Variants in TSC22D4 observed in about 807,000 individuals in gnomAD.
The protein encoded by TSC22D4 is TSC22 domain family protein 4.
Under a neutral mutation model 24.9 loss-of-function variants are expected in TSC22D4, and 5 were observed. That is an observed-to-expected ratio of 0.20 (90% CI 0.10 to 0.42). The LOEUF (loss-of-function observed/expected upper bound fraction) is 0.42. Among genes scored for constraint, TSC22D4 ranks in the 10% least tolerant of loss-of-function variants. TSC22D4 has a pLI of 1.00. For missense variants in TSC22D4, 469 were observed against 547.9 expected (o/e 0.86, Z 1.44); for synonymous variants, 245 against 243.2 (o/e 1.01, Z -0.07).
At position 100,474,264 on chromosome 7, in the gene TSC22D4, G is replaced by T; in HGVS notation, c.929+10C>A. 1 of 1,612,430 alleles carries T rather than the reference G, an allele frequency of 6.2e-7. No individual in the cohort carries two copies. ...ACCCCACGCCCCACCACCCCACGAAGCCCACCTACCTATCATCGTCGCTGT... is the reference window on the plus strand; with the variant it reads ...ACCCCACGCCCCACCACCCCACGAATCCCACCTACCTATCATCGTCGCTGT... On this transcript the variant is annotated intron_variant, in intron 3 of 4. Coordinates refer to ENST00000300181, the MANE Select transcript of TSC22D4 (RefSeq NM_030935.5). This position sits in a 1 kb window ranked among gnomAD's most constrained non-coding sequence, Gnocchi z 4.3.
chr7:100,466,657 T>A lies in TSC22D4; in HGVS notation c.*302A>T. The A allele has an allele frequency of 2.4e-6, 1 of 411,280 alleles. No homozygotes were observed. The highest frequency in any genetic ancestry group is 4.4e-6 in the Non-Finnish European group (1 of 229,606). 25.5% of individuals were successfully genotyped at this position (411,280 alleles called of 1,614,324 possible). On this transcript the variant is annotated 3_prime_UTR_variant, in exon 5 of 5. Transcript: ENST00000300181. ...TCAAGGGAACAAGATGGGGGTGGGG[T>A]GTCTGCCGGGGAGCCTCCGACTCCC...
At chr7:100,467,789 G>C in intron 3 of TSC22D4, 189 bp from the exon 4 acceptor site, 1 of 709,088 alleles carries the variant, frequency 1.4e-6, no homozygotes, top group Non-Finnish European at 2.6e-6. Flanking sequence ...CGGTGGGGCG[G>C]GGGCCCAGAT....
At position 100,474,230 on chromosome 7, in the gene TSC22D4, G is replaced by A; in HGVS notation, c.929+44C>T. 2 of 1,602,238 alleles carry A rather than the reference G, an allele frequency of 1.2e-6. No individual in the cohort carries two copies. Among genetic ancestry groups the A allele is most frequent in the South Asian group, 1.1e-5 (1 of 90,744 alleles). On this transcript the variant is annotated intron_variant, in intron 3 of 4. Transcript: ENST00000300181. The surrounding 1 kb of genome is among the most constrained non-coding windows in gnomAD (Gnocchi z 4.3). ...TACAGCTACCCCGGGTGCTGGGCGG[G>A]GAACCTGAACCCCACGCCCCACCAC... is the stretch of plus-strand genomic sequence containing the variant.
chr7:100,474,509 G>A lies in TSC22D4; in HGVS notation c.763-69C>T, dbSNP rs1799456544. ...AAAGGAACCAGCTGCCTTAAAACTT[G>A]CCTATTAGCCTTCCTCCCTCTCCAC... On this transcript the variant is annotated intron_variant, in intron 2 of 4. Transcript: ENST00000300181. This position sits in a 1 kb window ranked among gnomAD's most constrained non-coding sequence, Gnocchi z 4.3. 3.2e-6 allele frequency: 5 copies of A among 1,565,896 alleles called. No individual in the cohort carries two copies. Among genetic ancestry groups the A allele is most frequent in the African/African-American group, 2.7e-5 (2 of 73,900 alleles).
At chr7:100,467,316 A>G (rs1205256999) in intron 4 of TSC22D4, 148 bp from the exon 5 acceptor site, 12 of 938,550 alleles carry the variant, frequency 1.3e-5, no homozygotes, top group Non-Finnish European at 2.0e-5. Flanking sequence ...GACGAGGGAC[A>G]GAGGCAGAGT....
Position 100,474,155 on chromosome 7 carries a change from G to A in TSC22D4, c.929+119C>T. ...ATGCCCAGGCCAGGTTTCTCTAAGA[G>A]GTCCTCTCCAAGTTCAACCTGGGGG... On this transcript the variant is annotated intron_variant, in intron 3 of 4. Coordinates refer to ENST00000300181, the MANE Select transcript of TSC22D4 (RefSeq NM_030935.5). The surrounding 1 kb of genome is among the most constrained non-coding windows in gnomAD (Gnocchi z 4.3). 2 of 1,352,936 alleles carry A rather than the reference G, an allele frequency of 1.5e-6. No homozygotes were observed. The highest frequency in any genetic ancestry group is 2.6e-5 in the South Asian group (2 of 75,972). The allele number at this position is 1,352,936 out of a possible 1,614,324, so 83.8% of individuals were successfully genotyped here.
chr7:100,466,937 C>T lies in TSC22D4; in HGVS notation c.*22G>A, dbSNP rs1799288519. ...ACGCAAGGCCGGGCAGCCCCAAAGG[C>T]ACATTGTAAGGGAAGGGAGGCTCAG... On this transcript the variant is annotated 3_prime_UTR_variant, in exon 5 of 5. Coordinates refer to ENST00000300181, the MANE Select transcript of TSC22D4 (RefSeq NM_030935.5). The T allele has an allele frequency of 6.6e-7, 1 of 1,522,704 alleles. No individual in the cohort carries two copies. The highest frequency in any genetic ancestry group is 1.4e-5 in the African/African-American group (1 of 72,516). The allele number at this position is 1,522,704 out of a possible 1,614,324, so 94.3% of individuals were successfully genotyped here. A position where few individuals can be genotyped will look rare whatever the true frequency, so the allele number is the denominator to read the frequency against.
intron 4 of TSC22D4, 43 bp from the exon 5 acceptor site, chr7:100,467,211 C>T (rs755196949): frequency 6.3e-7 from 1 of 1,596,652 alleles, no homozygotes; most frequent in Non-Finnish European, 8.6e-7. Context: ...GGGTGGGTGC[C>T]TCATCCCCTG....
intron 2 of TSC22D4, among the ~76,000 whole-genome samples, chr7:100,475,709 G>T (rs573510907): frequency 6.6e-6 from 1 of 151,558 alleles, no homozygotes; most frequent in African/African-American, 2.4e-5. Context: ...GGGGGGAGGC[G>T]GAGCCTGGGC....
rs746503644 is a variant in TSC22D4 at position 100,477,191 on chromosome 7, A to G, written c.762+86T>C. ...TCTTATAAAGTGATGGAGAAGGAGG[A>G]GGAGAGGGGGGGGAGGAGGAGGAAG... On this transcript the variant is annotated intron_variant, in intron 2 of 4. Coordinates refer to ENST00000300181, the MANE Select transcript of TSC22D4 (RefSeq NM_030935.5). The surrounding 1 kb of genome is among the most constrained non-coding windows in gnomAD (Gnocchi z 7.8). The G allele has an allele frequency of 0.071, 65,363 of 918,764 alleles. 1,853 individuals are homozygous for G. The highest frequency in any genetic ancestry group is 0.081 in the Non-Finnish European group (55,479 of 688,582). 56.9% of individuals were successfully genotyped at this position (918,764 alleles called of 1,614,324 possible). A position where few individuals can be genotyped will look rare whatever the true frequency, so the allele number is the denominator to read the frequency against.
chr7:100,470,789 T>C (rs377532274), intron 3 of TSC22D4, among the ~76,000 whole-genome samples: 47 of 152,178 alleles, frequency 3.1e-4, no homozygotes, highest in African/African-American at 1.1e-3. Flanking sequence ...AAAAGCAAGT[T>C]TGTATGGATT....
chr7:100,467,048 C>T lies in TSC22D4; in HGVS notation c.1099G>A (p.Ala367Thr), dbSNP rs777072521. The change falls in exon 5 of 5, where the codon GCC (alanine) becomes ACC (threonine). Residue 367 changes from alanine to threonine, a missense_variant. Transcript: ENST00000300181. ...ALEQENGLLR[A>T]LASPEQLAQL... ...GCCAGCTGCTCCGGGCTGGCCAGGGCGCGCAGCAGCCCATTCTCCTGCTCC... is the reference window on the plus strand; with the variant it reads ...GCCAGCTGCTCCGGGCTGGCCAGGGTGCGCAGCAGCCCATTCTCCTGCTCC... 3.2e-5 allele frequency: 52 copies of T among 1,613,474 alleles called. No individual in the cohort carries two copies. The highest frequency in any genetic ancestry group is 9.9e-5 in the South Asian group (9 of 91,054).
rs1201241764 is a variant in TSC22D4, at chr7:100,477,091, G to C, written c.762+186C>G. 1.1e-4 allele frequency among the ~76,000 whole-genome samples: 16 copies of C among 152,074 alleles called. No homozygotes were observed. The highest frequency in any genetic ancestry group is 2.9e-5 in the Non-Finnish European group (2 of 68,022). On this transcript the variant is annotated intron_variant, in intron 2 of 4. Transcript: ENST00000300181. The surrounding 1 kb of genome is among the most constrained non-coding windows in gnomAD (Gnocchi z 7.8). ...AGAGGGTGCAGAAAAACAGGAAGGA[G>C]GCTGAGACAGAAAATGAAGTAGGAG...
At chr7:100,468,290 G>A (rs958491977) in intron 3 of TSC22D4, among the ~76,000 whole-genome samples, 2 of 152,158 alleles carry the variant, frequency 1.3e-5, no homozygotes, top group African/African-American at 4.8e-5. Context: ...CTGGTGGCTG[G>A]GCCAGGGGAG....
chr7:100,473,975 TGA>T, intron 3 of TSC22D4: 1 of 330,846 alleles, frequency 3.0e-6, no homozygotes, highest in Non-Finnish European at 5.8e-6. Context: ...GTTGGCCAGA[TGA>T]TCTCTAAATC....
chr7:100,467,774 G>A, intron 3 of TSC22D4, 174 bp from the exon 4 acceptor site: 1 of 729,914 alleles, frequency 1.4e-6, no homozygotes, highest in Non-Finnish European at 2.5e-6. Context: ...GGGCCTCCCA[G>A]GCCCCGGTGG....
chr7:100,469,474 CACGACGTT>C (rs1209612215), intron 3 of TSC22D4, among the ~76,000 whole-genome samples: 1 of 152,080 alleles, frequency 6.6e-6, no homozygotes, highest in East Asian at 1.9e-4. Context: ...AGGCTGGCTC[CACGACGTT>C]GGGCTCCTGG....
chr7:100,466,811 TG>T lies in TSC22D4; in HGVS notation c.*147del. The T allele has an allele frequency of 1.3e-6, 1 of 775,998 alleles. No individual in the cohort carries two copies. The highest frequency in any genetic ancestry group is 2.0e-6 in the Non-Finnish European group (1 of 490,150). The allele number at this position is 775,998 out of a possible 1,614,324, so 48.1% of individuals were successfully genotyped here. A position where few individuals can be genotyped will look rare whatever the true frequency, so the allele number is the denominator to read the frequency against. On this transcript the variant is annotated 3_prime_UTR_variant, in exon 5 of 5. Transcript: ENST00000300181. ...ATCAAGGCTGGGGATGATGAGGAGATGGGGCAGGGGCCGGGGGACCAGGCCA... is the reference window on the plus strand; with the variant it reads ...ATCAAGGCTGGGGATGATGAGGAGATGGGCAGGGGCCGGGGGACCAGGCCA...
Position 100,477,689 on chromosome 7 carries a change from CCT to C in TSC22D4, c.348_349del (p.Gly118ArgfsTer81). On this transcript the variant is annotated frameshift_variant, in exon 2 of 5. Transcript: ENST00000300181. LOFTEE classifies it high-confidence loss of function. The surrounding 1 kb of genome is among the most constrained non-coding windows in gnomAD (Gnocchi z 7.8). The stretch of plus-strand genomic sequence containing the variant: ...ATCCAAAGATCTGCCCCCGGCGCCC[CCT>C]GAGGCCCCTCGAATTCCCTCCAGGA... 1 of 1,593,510 alleles carries C rather than the reference CCT, an allele frequency of 6.3e-7. No individual in the cohort carries two copies.
Sources: gnomAD v4.1 joint callset for allele counts (sites outside exome capture counted in the v4.1 genomes callset) on GRCh38, gnomAD v4.1.1 for gene constraint, Gnocchi (gnomAD v3.1) non-coding constraint, MANE v1.5 for transcripts, NCBI Gene and HGNC (gene_info 2026-07-23, HGNC 2026-07-21) for gene names.